AGPAT5: variants seen among roughly 807,000 people sequenced by gnomAD.
AGPAT5 encodes the protein 1-acyl-sn-glycerol-3-phosphate acyltransferase epsilon.
In AGPAT5, 46 loss-of-function variants were observed where a neutral mutation model predicts 45.6. The observed-to-expected ratio is 1.01, with a 90% CI of 0.80 to 1.29. The LOEUF is 1.29. Among genes scored for constraint, AGPAT5 ranks in the 50% most tolerant of loss-of-function variants. The probability of loss-of-function intolerance (pLI) is 0.00; values close to 1 mark genes in which losing one functional copy is unlikely to be tolerated. For missense variants in AGPAT5, 673 were observed against 450.7 expected, an observed-to-expected ratio of 1.49 and a Z score of -4.47; for synonymous variants, 272 against 167.0, an observed-to-expected ratio of 1.63 and a Z score of -4.85.
chr8:6,747,422 A>G (rs530583565), intron 5 of AGPAT5, among the ~76,000 whole-genome samples: 34 of 152,388 alleles, frequency 2.2e-4, no homozygotes, highest in Non-Finnish European at 4.1e-4. Flanking sequence ...CCGCTAGGCC[A>G]TAAACTTCCA....
chr8:6,752,688 A>G (rs1801694207), intron 6 of AGPAT5, among the ~76,000 whole-genome samples: 1 of 152,188 alleles, frequency 6.6e-6, no homozygotes, highest in Admixed American at 6.5e-5. Flanking sequence ...GGGTAGAAAA[A>G]CAATAATATC....
chr8:6,731,254 A>G (rs1023921855), intron 3 of AGPAT5, among the ~76,000 whole-genome samples: 1 of 152,162 alleles, frequency 6.6e-6, no homozygotes, highest in African/African-American at 2.4e-5. Flanking sequence ...CAGTTGAAGT[A>G]ATTTTGTTTG....
In AGPAT5 at chr8:6,731,799, G is replaced by C. The variant is rs570732678; in HGVS notation, c.406-762G>C. On this transcript the variant is annotated intron_variant, in intron 3 of 7. Transcript: ENST00000285518. ...AAACTTACTTTCTCCAGTTCTGGAG[G>C]CTAGACATCCAAGATCAAGGTGTTG... 3.3e-5 allele frequency among the ~76,000 whole-genome samples: 5 copies of C among 152,112 alleles called. No homozygotes were observed. In the South Asian group the frequency reaches 1.0e-3, roughly 32 times the overall value.
chr8:6,753,711 A>G (rs1418293302), intron 6 of AGPAT5, among the ~76,000 whole-genome samples: 1 of 152,234 alleles, frequency 6.6e-6, no homozygotes, highest in African/African-American at 2.4e-5. Context: ...ATACTTTTTA[A>G]GCAGTTCTTT....
At chr8:6,749,864 C>T (rs1801601550) in intron 6 of AGPAT5, among the ~76,000 whole-genome samples, 1 of 152,238 alleles carries the variant, frequency 6.6e-6, no homozygotes, top group African/African-American at 2.4e-5. Context: ...CTTGGTTCAG[C>T]AGAGCTCATG....
chr8:6,760,754 T>G lies in AGPAT5; in HGVS notation c.*3366T>G, dbSNP rs1283435108. ...ACTCACACTTTTTGATTAAAGAACTTGAAATTACGTTATCACTTAGTATAA... is the reference window on the plus strand; with the variant it reads ...ACTCACACTTTTTGATTAAAGAACTGGAAATTACGTTATCACTTAGTATAA... On this transcript the variant is annotated 3_prime_UTR_variant, in exon 8 of 8. Transcript: ENST00000285518. 6.6e-6 allele frequency among the ~76,000 whole-genome samples: 1 copy of G among 152,194 alleles called. No individual in the cohort carries two copies. The highest frequency in any genetic ancestry group is 1.5e-5 in the Non-Finnish European group (1 of 68,026).
intron 1 of AGPAT5, among the ~76,000 whole-genome samples, chr8:6,722,674 C>T (rs28692721): frequency 0.022 from 3,379 of 152,212 alleles, 124 homozygotes; most frequent in African/African-American, 0.077. Flanking sequence ...GAAACTGGTC[C>T]GCATCTAATT....
At chr8:6,713,426 G>C (rs922827884) in intron 1 of AGPAT5, among the ~76,000 whole-genome samples, 2 of 152,144 alleles carry the variant, frequency 1.3e-5, no homozygotes, top group African/African-American at 4.8e-5. Context: ...CAGTTCTTAA[G>C]TTTATATAAA....
At chr8:6,749,732 T>C (rs952054030) in intron 6 of AGPAT5, among the ~76,000 whole-genome samples, 1 of 152,190 alleles carries the variant, frequency 6.6e-6, no homozygotes, top group Admixed American at 6.5e-5. Context: ...TTGTCGTTGG[T>C]TTATTAAACA....
At chr8:6,730,688 C>T (rs1281738854) in intron 2 of AGPAT5, 23 bp from the exon 3 acceptor site, 4 of 1,560,128 alleles carry the variant, frequency 2.6e-6, no homozygotes, top group East Asian at 2.2e-5. Context: ...CATGTACGCG[C>T]TAACTGGGTC....
At chr8:6,716,717 C>A (rs62497280) in intron 1 of AGPAT5, among the ~76,000 whole-genome samples, 44,839 of 151,882 alleles carry the variant, frequency 0.3, 7,820 homozygotes, top group Non-Finnish European at 0.39. Flanking sequence ...CCTGTAATCT[C>A]AGCTACATGG....
rs1011383529 is a variant in AGPAT5 at position 6,760,312 on chromosome 8, C to G, written c.*2924C>G. ...ACTCGGGAGGGTGAGGTGGGAGGATCGCTTCAGCCCAGGAGGTTGAGATTG... is the reference window on the plus strand; with the variant it reads ...ACTCGGGAGGGTGAGGTGGGAGGATGGCTTCAGCCCAGGAGGTTGAGATTG... On this transcript the variant is annotated 3_prime_UTR_variant, in exon 8 of 8. Coordinates refer to ENST00000285518, the MANE Select transcript of AGPAT5 (RefSeq NM_018361.5). 1.3e-5 allele frequency among the ~76,000 whole-genome samples: 2 copies of G among 152,036 alleles called. No individual in the cohort carries two copies. The highest frequency in any genetic ancestry group is 1.3e-4 in the Admixed American group (2 of 15,258).
chr8:6,724,962 AC>A (rs1800635755), intron 2 of AGPAT5, 23 bp downstream of exon 2: 1 of 1,044,858 alleles, frequency 9.6e-7, no homozygotes. Flanking sequence ...TTTGCATGAA[AC>A]ATAGGTTTTT....
chr8:6,747,735 A>C lies in AGPAT5; in HGVS notation c.652A>C (p.Met218Leu). The C allele has an allele frequency of 6.2e-7, 1 of 1,614,258 alleles. No individual in the cohort carries two copies. The highest frequency in any genetic ancestry group is 1.1e-5 in the South Asian group (1 of 91,086). ...GGCAACTCACGTTGCTTTTGATTGCATGAAGAATTATTTAGATGCAATTTA... is the reference window on the plus strand; with the variant it reads ...GGCAACTCACGTTGCTTTTGATTGCCTGAAGAATTATTTAGATGCAATTTA... ...IKATHVAFDC[M>L]KNYLDAIYDV... Residue 218 changes from methionine (M) to leucine (L), a missense_variant, in exon 6 of 8, where the codon ATG becomes CTG. Met to Leu is a conservative substitution (Grantham distance 15, BLOSUM62 2). Transcript: ENST00000285518.
At chr8:6,739,699 G>C (rs1379470015) in intron 4 of AGPAT5, among the ~76,000 whole-genome samples, 1 of 151,954 alleles carries the variant, frequency 6.6e-6, no homozygotes, top group African/African-American at 2.4e-5. Flanking sequence ...CATTGTTATA[G>C]AAATAACAGT....
At chr8:6,735,945 C>G (rs1801039757) in intron 4 of AGPAT5, among the ~76,000 whole-genome samples, 1 of 146,248 alleles carries the variant, frequency 6.8e-6, no homozygotes, top group African/African-American at 2.5e-5. Context: ...ACCTCTGCCT[C>G]ACGGGTTCAA....
At chr8:6,737,319 G>A (rs565700841) in intron 4 of AGPAT5, among the ~76,000 whole-genome samples, 2 of 152,174 alleles carry the variant, frequency 1.3e-5, no homozygotes, top group Non-Finnish European at 2.9e-5. Flanking sequence ...TGTTTCTGAA[G>A]GTGAATTAAG....
At position 6,709,974 on chromosome 8, in the gene AGPAT5, C is replaced by A. The variant is rs577025114; in HGVS notation, c.219+1087C>A. On this transcript the variant is annotated intron_variant, in intron 1 of 7. Transcript: ENST00000285518. ...TAAAATGGGCCTCATTTAAAAATTT[C>A]AATAATTCAGGCTAATTTTTTCCCT... is the stretch of plus-strand genomic sequence containing the variant. Among the ~76,000 whole-genome samples, 14 of 152,296 alleles carry A rather than the reference C, an allele frequency of 9.2e-5. No individual in the cohort carries two copies. The South Asian group carries it at 1.2e-3, about 14-fold the overall frequency.
At chr8:6,716,040 C>T (rs79258678) in intron 1 of AGPAT5, among the ~76,000 whole-genome samples, 3,433 of 152,212 alleles carry the variant, frequency 0.023, 130 homozygotes, top group African/African-American at 0.079. Context: ...CACATTAGAC[C>T]GCTCCTCTCT....
Sources: gnomAD v4.1 joint callset for allele counts (sites outside exome capture counted in the v4.1 genomes callset) on GRCh38, gnomAD v4.1.1 for gene constraint, MANE v1.5 for transcripts, NCBI Gene and HGNC (gene_info 2026-07-23, HGNC 2026-07-21) for gene names.